CRNN: variants seen among roughly 807,000 people sequenced by gnomAD.
CRNN encodes the protein cornulin.
CRNN carries 39 observed loss-of-function variants against 44.7 expected under a neutral mutation model. That is an observed-to-expected ratio of 0.87 (90% CI 0.68 to 1.14). The LOEUF is 1.14. Ranked by LOEUF, CRNN falls within the 50% of genes most tolerant of loss-of-function variation. The pLI, the probability that CRNN is intolerant of heterozygous loss-of-function variation, is 0.00. For missense variants in CRNN, 606 were observed against 605.1 expected (o/e 1.00, Z -0.02); for synonymous variants, 240 against 231.8 (o/e 1.04, Z -0.32).
rs1429461541 is a variant in CRNN, at chr1:152,409,828, G to A, written c.1254C>T (p.Ser418=). 6.2e-7 allele frequency: 1 copy of A among 1,614,080 alleles called. No individual in the cohort carries two copies. The highest frequency in any genetic ancestry group is 2.2e-5 in the East Asian group (1 of 44,890). ...ASTESGRQEW[S]STHPRRCVTE... ...TCACACAGCGCCTTGGGTGAGTGCT[G>A]CTCCACTCCTGCCTTCCTGACTCAG... is the stretch of plus-strand genomic sequence containing the variant. The change falls in exon 3 of 3, where the codon AGC becomes AGT. Residue 418 remains serine, a synonymous_variant. Transcript: ENST00000271835.
Position 152,412,884 on chromosome 1 carries a change from A to G in CRNN, c.-13-638T>C, listed in dbSNP as rs1214462258. The stretch of plus-strand genomic sequence containing the variant: ...TGTGGACAGGATTTATTTATTTATC[A>G]CAAGGGTGTTAGGGTCCCATCGGGA... On this transcript the variant is annotated intron_variant, in intron 1 of 2. Coordinates refer to ENST00000271835, the MANE Select transcript of CRNN (RefSeq NM_016190.3). 2.6e-5 allele frequency among the ~76,000 whole-genome samples: 4 copies of G among 152,270 alleles called. No homozygotes were observed. The East Asian group carries it at 7.7e-4, about 29-fold the overall frequency.
In CRNN at chr1:152,409,556, C is replaced by G; in HGVS notation, c.*38G>C. On this transcript the variant is annotated 3_prime_UTR_variant, in exon 3 of 3. Transcript: ENST00000271835. Reference sequence around the variant, plus strand: ...GCAGGACAAGCCAAACTCTCTCCAGCTGTCTTCTTCCAGTACTGGACATTG... The same window carrying G: ...GCAGGACAAGCCAAACTCTCTCCAGGTGTCTTCTTCCAGTACTGGACATTG... The G allele has an allele frequency of 6.4e-7, 1 of 1,574,558 alleles. No homozygotes were observed. Among genetic ancestry groups the G allele is most frequent in the Non-Finnish European group, 8.6e-7 (1 of 1,159,510 alleles).
In CRNN at chr1:152,409,530, T is replaced by C. The variant is rs112081578; in HGVS notation, c.*64A>G. On this transcript the variant is annotated 3_prime_UTR_variant, in exon 3 of 3. Coordinates refer to ENST00000271835, the MANE Select transcript of CRNN (RefSeq NM_016190.3). ...AGGGATGCACCCACTGGATTGGCCA[T>C]GCAGGACAAGCCAAACTCTCTCCAG... is the stretch of plus-strand genomic sequence containing the variant. 21 of 1,553,808 alleles carry C rather than the reference T, an allele frequency of 1.4e-5. No individual in the cohort carries two copies. The highest frequency in any genetic ancestry group is 1.2e-4 in the African/African-American group (9 of 73,678).
chr1:152,410,351 T>C lies in CRNN; in HGVS notation c.731A>G (p.Gln244Arg), dbSNP rs1347576144. ...TCTTCCTGTCTGGTGGCTGCTGTCC[T>C]GCTCCACAGTCTGGGTGGCACCTGC... ...TQAGATQTVE[Q>R]DSSHQTGRTS... Residue 244 changes from glutamine (Q) to arginine (R), a missense_variant, in exon 3 of 3, where the codon CAG becomes CGG. Transcript: ENST00000271835. The C allele has an allele frequency of 1.2e-6, 2 of 1,614,182 alleles. No individual in the cohort carries two copies. The highest frequency in any genetic ancestry group is 1.7e-6 in the Non-Finnish European group (2 of 1,180,040).
Position 152,409,939 on chromosome 1 carries a change from T to C in CRNN, c.1143A>G (p.Pro381=), listed in dbSNP as rs1333878282. The change falls in exon 3 of 3, where the codon CCA becomes CCG. Residue 381 remains proline (P), a synonymous_variant. Coordinates refer to ENST00000271835, the MANE Select transcript of CRNN (RefSeq NM_016190.3). The part of the protein sequence containing the change: ...AREQGQTQTQ[P]GSGQRWMQVS... ...CTTGCATCCATCTTTGACCACTGCC[T>C]GGCTGCGTCTGGGTCTGTCCCTGTT... 5 of 1,614,208 alleles carry C rather than the reference T, an allele frequency of 3.1e-6. No homozygotes were observed. Among genetic ancestry groups the C allele is most frequent in the Non-Finnish European group, 4.2e-6 (5 of 1,180,042 alleles).
intron 1 of CRNN, 97 bp from the exon 2 acceptor site, chr1:152,412,343 G>C: frequency 3.9e-6 from 5 of 1,281,614 alleles, no homozygotes; most frequent in Non-Finnish European, 5.4e-6. Context: ...TGCACGTTCA[G>C]CTCTGTTTTT....
Position 152,409,707 on chromosome 1 carries a change from T to C in CRNN, c.1375A>G (p.Asn459Asp), listed in dbSNP as rs750728275. Reference sequence around the variant, plus strand: ...GCTGAGGAAACACTGGTATGCAAGTTGCCCTGGTCCAGCCTGAGGATCACT... The same window carrying C: ...GCTGAGGAAACACTGGTATGCAAGTCGCCCTGGTCCAGCCTGAGGATCACT... ...ETVILRLDQG[N>D]LHTSVSSAQG... Residue 459 changes from asparagine (N) to aspartate (D), a missense_variant, in exon 3 of 3, where the codon AAC becomes GAC. Transcript: ENST00000271835. 48 of 1,614,102 alleles carry C rather than the reference T, an allele frequency of 3.0e-5. 1 individual carries two copies. In the South Asian group the frequency reaches 3.7e-4, roughly 13 times the overall value.
At chr1:152,412,913 C>T (rs1655812888) in intron 1 of CRNN, among the ~76,000 whole-genome samples, 1 of 152,050 alleles carries the variant, frequency 6.6e-6, no homozygotes. Flanking sequence ...ATCGGGAACA[C>T]CAAAAGGAAG....
In CRNN at chr1:152,410,958, A is replaced by C; in HGVS notation, c.139-15T>G. ...TCGTGGGGTTTCTGAGGAGAAGATG[A>C]GGTGGAGTCAGCATCCCTCCCCTGA... On this transcript the variant is annotated splice_polypyrimidine_tract_variant and intron_variant, in intron 2 of 2. Coordinates refer to ENST00000271835, the MANE Select transcript of CRNN (RefSeq NM_016190.3). 1 of 1,584,634 alleles carries C rather than the reference A, an allele frequency of 6.3e-7. No homozygotes were observed. The highest frequency in any genetic ancestry group is 8.6e-7 in the Non-Finnish European group (1 of 1,167,296).
chr1:152,411,441 G>A (rs1325327200), intron 2 of CRNN, among the ~76,000 whole-genome samples: 6 of 152,182 alleles, frequency 3.9e-5, no homozygotes, highest in African/African-American at 1.4e-4. Context: ...GCGCTGCCCT[G>A]AGCATGTGGA....
rs766402641 is a variant in CRNN, at chr1:152,410,168, T to C, written c.914A>G (p.Asp305Gly). The C allele has an allele frequency of 6.2e-6, 10 of 1,612,626 alleles. No homozygotes were observed. Among genetic ancestry groups the C allele is most frequent in the Non-Finnish European group, 8.5e-6 (10 of 1,179,822 alleles). The change falls in exon 3 of 3, where the codon GAC becomes GGC. Residue 305 changes from aspartate (D) to glycine (G), a missense_variant. Coordinates refer to ENST00000271835, the MANE Select transcript of CRNN (RefSeq NM_016190.3). ...TQTPTQTVEQ[D>G]SSHQTGSTST... Reference sequence around the variant, plus strand: ...GGTGCTTCCTGTCTGGTGGCTGCTGTCCTGCTCCACGGTCTGGGTGGGTGT... The same window carrying C: ...GGTGCTTCCTGTCTGGTGGCTGCTGCCCTGCTCCACGGTCTGGGTGGGTGT...
At chr1:152,413,812 G>A (rs971381731) in intron 1 of CRNN, among the ~76,000 whole-genome samples, 1 of 152,142 alleles carries the variant, frequency 6.6e-6, no homozygotes, top group African/African-American at 2.4e-5. Flanking sequence ...GTAGGAGAGG[G>A]GAATCATGTA....
intron 2 of CRNN, 79 bp downstream of exon 2, chr1:152,412,017 C>T: frequency 1.5e-6 from 2 of 1,334,912 alleles, no homozygotes; most frequent in South Asian, 1.6e-5. Context: ...CCTCAAATTC[C>T]CCAGGCAAGG....
Position 152,410,225 on chromosome 1 carries a change from T to C in CRNN, c.857A>G (p.His286Arg). The change falls in exon 3 of 3, where the codon CAT becomes CGT. Residue 286 changes from histidine to arginine, a missense_variant. By Grantham distance (29) the His-to-Arg change is conservative. Coordinates refer to ENST00000271835, the MANE Select transcript of CRNN (RefSeq NM_016190.3). ...GTGTGTCCCTGCCTGTATCTGAGCA[T>C]GTCCTCCTGTCACAGCCTGGCTGGT... ...SQTSQAVTGG[H>R]AQIQAGTHTQ... The C allele has an allele frequency of 6.2e-7, 1 of 1,612,956 alleles. No homozygotes were observed. Among genetic ancestry groups the C allele is most frequent in the Non-Finnish European group, 8.5e-7 (1 of 1,179,540 alleles).
At chr1:152,411,793 T>A (rs1655775052) in intron 2 of CRNN, among the ~76,000 whole-genome samples, 1 of 152,196 alleles carries the variant, frequency 6.6e-6, no homozygotes, top group Admixed American at 6.5e-5. Flanking sequence ...CAGCAATTAT[T>A]TTCATTTTGA....
At position 152,410,436 on chromosome 1, in the gene CRNN, C is replaced by G. The variant is rs1557915061; in HGVS notation, c.646G>C (p.Glu216Gln). The change falls in exon 3 of 3, where the codon GAA becomes CAA. Residue 216 changes from glutamate to glutamine, a missense_variant. Physicochemically the swap from Glu to Gln is conservative, Grantham distance 29 (BLOSUM62 2). Transcript: ENST00000271835. The part of the protein sequence containing the change: ...MRPERQPQTR[E>Q]QDRAHQTGET... ...CCTGTCTGGTGGGCTCTGTCCTGTT[C>G]CCTGGTCTGTGGCTGTCTCTCTGGC... is the stretch of plus-strand genomic sequence containing the variant. 6 of 1,614,174 alleles carry G rather than the reference C, an allele frequency of 3.7e-6. No individual in the cohort carries two copies. The highest frequency in any genetic ancestry group is 3.3e-4 in the Middle Eastern group (2 of 6,062).
chr1:152,413,307 A>T, intron 1 of CRNN, among the ~76,000 whole-genome samples: 1 of 152,210 alleles, frequency 6.6e-6, no homozygotes, highest in South Asian at 2.1e-4. Flanking sequence ...CATGAGCAAA[A>T]GGAAAAGAGA....
At position 152,409,276 on chromosome 1, in the gene CRNN, T is replaced by G. The variant is rs1570964882; in HGVS notation, c.*318A>C. 1 of 323,414 alleles carries G rather than the reference T, an allele frequency of 3.1e-6. No homozygotes were observed. The allele number at this position is 323,414 out of a possible 1,614,324, so 20.0% of individuals were successfully genotyped here. A position where few individuals can be genotyped will look rare whatever the true frequency, so the allele number is the denominator to read the frequency against. On this transcript the variant is annotated 3_prime_UTR_variant, in exon 3 of 3. Transcript: ENST00000271835. ...TTAAGGTTTTATTGATGCATTAGGG[T>G]AGATGGGGCAATAGAGAGATGTCAG...
Position 152,409,987 on chromosome 1 carries a change from A to G in CRNN, c.1095T>C (p.Thr365=). 6.2e-7 allele frequency: 1 copy of G among 1,610,856 alleles called. No individual in the cohort carries two copies. Among genetic ancestry groups the G allele is most frequent in the Non-Finnish European group, 8.5e-7 (1 of 1,179,534 alleles). Residue 365 remains threonine (T), a synonymous_variant, in exon 3 of 3, where the codon ACT becomes ACC. Coordinates refer to ENST00000271835, the MANE Select transcript of CRNN (RefSeq NM_016190.3). The part of the protein sequence containing the change: ...TETVEQDRSQ[T]VSHGGAREQG... The stretch of plus-strand genomic sequence containing the variant: ...GTTCTCTAGCCCCTCCGTGGCTTAC[A>G]GTTTGGCTTCTGTCCTGCTCCACAG...
Sources: allele counts gnomAD v4.1 joint callset (sites outside exome capture counted in the v4.1 genomes callset), GRCh38; gene constraint gnomAD v4.1.1; transcripts MANE v1.5; gene names NCBI Gene and HGNC (gene_info 2026-07-23, HGNC 2026-07-21).